The following KCNQ4 variants were observed in gnomAD, a reference collection of about 807,000 sequenced individuals.
KCNQ4 encodes potassium voltage-gated channel subfamily Q member 4, also known as potassium voltage-gated channel subfamily KQT member 4.
Under a neutral mutation model 72.6 loss-of-function variants are expected in KCNQ4, and 31 were observed. That is an observed-to-expected ratio of 0.43 (90% CI 0.32 to 0.58). The LOEUF (loss-of-function observed/expected upper bound fraction) is 0.58. Ranked by LOEUF, KCNQ4 falls within the 20% of genes least tolerant of loss-of-function variation. KCNQ4 has a pLI of 0.08. For missense variants in KCNQ4, 869 were observed against 962.6 expected, an observed-to-expected ratio of 0.90 and a Z score of 1.29; for synonymous variants, 405 against 403.7, an observed-to-expected ratio of 1.00 and a Z score of -0.04.
rs557069460 is a variant in KCNQ4, at chr1:40,783,876, C to T, written c.-218C>T. On this transcript the variant is annotated 5_prime_UTR_variant, in exon 1 of 14. Coordinates refer to ENST00000347132, the MANE Select transcript of KCNQ4 (RefSeq NM_004700.4). This position sits in a 1 kb window ranked among gnomAD's most constrained non-coding sequence, Gnocchi z 4.4. Reference sequence around the variant, plus strand: ...GAGTTGGAGTCGGAAAGAGCAGCCCCAGTCGCCGGGGAAGCGGGAGGTCAG... The same window carrying T: ...GAGTTGGAGTCGGAAAGAGCAGCCCTAGTCGCCGGGGAAGCGGGAGGTCAG... The T allele has an allele frequency of 6.6e-6, 1 of 151,812 alleles. No individual in the cohort carries two copies. Among genetic ancestry groups the T allele is most frequent in the Non-Finnish European group, 1.5e-5 (1 of 67,696 alleles). The allele number at this position is 151,812 out of a possible 1,614,324, so 9.4% of individuals were successfully genotyped here.
In KCNQ4 at chr1:40,831,259, C is replaced by T. The variant is rs746170447; in HGVS notation, c.1468C>T (p.Arg490Cys). The change falls in exon 10 of 14, where the codon CGC (arginine) becomes TGC (cysteine). Residue 490 changes from arginine to cysteine, a missense_variant. Coordinates refer to ENST00000347132, the MANE Select transcript of KCNQ4 (RefSeq NM_004700.4). The stretch of plus-strand genomic sequence containing the variant: ...GAGCTGGAGCTTCAATGACCGCACC[C>T]GCTTCCGGGCATCTCTGAGACTCAA... ...QKSWSFNDRT[R>C]FRASLRLKPR... 3.0e-5 allele frequency: 49 copies of T among 1,607,266 alleles called. 1 individual carries two copies. Among genetic ancestry groups the T allele is most frequent in the Middle Eastern group, 1.6e-4 (1 of 6,078 alleles).
intron 1 of KCNQ4, among the ~76,000 whole-genome samples, chr1:40,802,489 G>A (rs1268437744): frequency 6.6e-6 from 1 of 152,026 alleles, no homozygotes; most frequent in Non-Finnish European, 1.5e-5. Context: ...GCAAAGCCCC[G>A]CCCCTCCCAG....
At chr1:40,798,554 G>A (rs1647481289) in intron 1 of KCNQ4, among the ~76,000 whole-genome samples, 1 of 152,244 alleles carries the variant, frequency 6.6e-6, no homozygotes, top group Admixed American at 6.5e-5. Context: ...GCTCAGAAAG[G>A]AGAAGTGACT....
Position 40,831,148 on chromosome 1 carries a change from A to C in KCNQ4, c.1357A>C (p.Lys453Gln), listed in dbSNP as rs1234960574. ...CTCCCAGCGGCGGACGGGTCCTTCCAAGCAGCATCTGGCACCTCCAACAAT... is the reference window on the plus strand; with the variant it reads ...CTCCCAGCGGCGGACGGGTCCTTCCCAGCAGCATCTGGCACCTCCAACAAT... Reference protein sequence around the residue: ...GSSQRRTGPSKQHLAPPTMPT... With the variant: ...GSSQRRTGPSQQHLAPPTMPT... Residue 453 changes from lysine (K) to glutamine (Q), a missense_variant, in exon 10 of 14, where the codon AAG becomes CAG. Lys to Gln is a moderately conservative substitution (Grantham distance 53, BLOSUM62 1). Coordinates refer to ENST00000347132, the MANE Select transcript of KCNQ4 (RefSeq NM_004700.4). 6.2e-7 allele frequency: 1 copy of C among 1,611,246 alleles called. No homozygotes were observed. Among genetic ancestry groups the C allele is most frequent in the South Asian group, 1.1e-5 (1 of 90,552 alleles).
intron 9 of KCNQ4, among the ~76,000 whole-genome samples, chr1:40,827,382 G>A (rs1274954952): frequency 6.6e-6 from 1 of 152,214 alleles, no homozygotes; most frequent in African/African-American, 2.4e-5. Flanking sequence ...TTCAGGGAGG[G>A]CATTCCAGGC....
At chr1:40,802,405 C>T (rs141086221) in intron 1 of KCNQ4, among the ~76,000 whole-genome samples, 3,633 of 152,204 alleles carry the variant, frequency 0.024, 160 homozygotes, top group African/African-American at 0.082. Context: ...GCCGGCCGGG[C>T]GGGGGAGGCC....
chr1:40,809,054 T>G (rs1295900341), intron 1 of KCNQ4, among the ~76,000 whole-genome samples: 2 of 152,164 alleles, frequency 1.3e-5, no homozygotes, highest in African/African-American at 4.8e-5. Context: ...TGTCACCAAA[T>G]CCAGAGGACA....
rs1648853171 is a variant in KCNQ4 at position 40,837,920 on chromosome 1, C to T, written c.1875+126C>T. 17 of 1,336,724 alleles carry T rather than the reference C, an allele frequency of 1.3e-5. No homozygotes were observed. In the South Asian group the frequency reaches 2.2e-4, roughly 17 times the overall value. 82.8% of individuals were successfully genotyped at this position (1,336,724 alleles called of 1,614,324 possible). ...CCCCGAGAAGACCTAAGAGCCCCCT[C>T]CCCGGCCGAAGCCCCCGCCCTCGCC... On this transcript the variant is annotated intron_variant, in intron 13 of 13. Coordinates refer to ENST00000347132, the MANE Select transcript of KCNQ4 (RefSeq NM_004700.4).
chr1:40,806,673 G>T (rs1479293291), intron 1 of KCNQ4, among the ~76,000 whole-genome samples: 2 of 144,870 alleles, frequency 1.4e-5, no homozygotes, highest in Non-Finnish European at 3.0e-5. Context: ...GGCTTCTGGA[G>T]GTAGAGGACA....
At chr1:40,797,246 C>A (rs1300342673) in intron 1 of KCNQ4, among the ~76,000 whole-genome samples, 1 of 152,224 alleles carries the variant, frequency 6.6e-6, no homozygotes, top group Non-Finnish European at 1.5e-5. Flanking sequence ...AGCCCTGCCC[C>A]AATCTGGGCA....
chr1:40,794,340 CTCTT>C lies in KCNQ4; in HGVS notation c.314+9937_314+9940del, dbSNP rs1215809281. ...ACACTGGATGGGAACCAGGGTTTGA[CTCTT>C]TCTGAGTGAGTGCTGTGCAGACGTG... On this transcript the variant is annotated intron_variant, in intron 1 of 13. Coordinates refer to ENST00000347132, the MANE Select transcript of KCNQ4 (RefSeq NM_004700.4). This position sits in a 1 kb window ranked among gnomAD's most constrained non-coding sequence, Gnocchi z 4.2. Among the ~76,000 whole-genome samples the C allele has an allele frequency of 2.6e-5, 4 of 152,224 alleles. No individual in the cohort carries two copies. Among genetic ancestry groups the C allele is most frequent in the African/African-American group, 7.2e-5 (3 of 41,456 alleles).
intron 1 of KCNQ4, among the ~76,000 whole-genome samples, chr1:40,789,425 G>A (rs182301750): frequency 7.2e-5 from 11 of 152,242 alleles, no homozygotes; most frequent in African/African-American, 2.6e-4. Flanking sequence ...CTTGTGATTG[G>A]GAAAGTCTTT....
At chr1:40,832,213 G>A (rs191022628) in intron 10 of KCNQ4, among the ~76,000 whole-genome samples, 1 of 152,348 alleles carries the variant, frequency 6.6e-6, no homozygotes, top group African/African-American at 2.4e-5. Context: ...GGAGAGGTGG[G>A]GTGAGTGCAC....
At position 40,788,832 on chromosome 1, in the gene KCNQ4, G is replaced by A. The variant is rs181234034; in HGVS notation, c.314+4425G>A. Among the ~76,000 whole-genome samples the A allele has an allele frequency of 2.9e-4, 44 of 152,332 alleles. No homozygotes were observed. Among genetic ancestry groups the A allele is most frequent in the Non-Finnish European group, 5.3e-4 (36 of 68,020 alleles). On this transcript the variant is annotated intron_variant, in intron 1 of 13. Coordinates refer to ENST00000347132, the MANE Select transcript of KCNQ4 (RefSeq NM_004700.4). This position sits in a 1 kb window ranked among gnomAD's most constrained non-coding sequence, Gnocchi z 4.5. Reference sequence around the variant, plus strand: ...CAGCCACGTTTTAGTTGTAGACCACGTCACTGCTGCGTACCTGTCTGAATG... The same window carrying A: ...CAGCCACGTTTTAGTTGTAGACCACATCACTGCTGCGTACCTGTCTGAATG...
intron 1 of KCNQ4, among the ~76,000 whole-genome samples, chr1:40,815,422 G>A (rs1007998454): frequency 1.3e-5 from 2 of 152,128 alleles, no homozygotes; most frequent in African/African-American, 4.8e-5. Flanking sequence ...CGAGGAGAGG[G>A]CTGCATGAGA....
Position 40,833,130 on chromosome 1 carries a change from A to G in KCNQ4, c.1613+17A>G. ...CTCCATCAGGTAAGACTGAGGCCTG[A>G]GGCGAGCACCCCCCTCCGTGTGCCA... On this transcript the variant is annotated intron_variant, in intron 11 of 13. Transcript: ENST00000347132. The G allele has an allele frequency of 6.3e-7, 1 of 1,587,720 alleles. No homozygotes were observed. The highest frequency in any genetic ancestry group is 1.1e-5 in the South Asian group (1 of 90,610).
chr1:40,792,911 G>A (rs1647312055), intron 1 of KCNQ4, among the ~76,000 whole-genome samples: 1 of 151,918 alleles, frequency 6.6e-6, no homozygotes, highest in African/African-American at 2.4e-5. Flanking sequence ...AACCTAGCAT[G>A]TGCATCTCTG....
At chr1:40,830,146 C>T (rs1395386036) in intron 9 of KCNQ4, among the ~76,000 whole-genome samples, 5 of 151,892 alleles carry the variant, frequency 3.3e-5, no homozygotes, top group South Asian at 2.1e-4. Flanking sequence ...AGATCTTTAG[C>T]GGGGATCCAA....
At chr1:40,787,235 G>T (rs1647212031) in intron 1 of KCNQ4, among the ~76,000 whole-genome samples, 1 of 152,176 alleles carries the variant, frequency 6.6e-6, no homozygotes, top group Non-Finnish European at 1.5e-5. Flanking sequence ...CGGGCATGGT[G>T]GTGCACACCT....
Sources: gnomAD v4.1 joint callset for allele counts (sites outside exome capture counted in the v4.1 genomes callset) on GRCh38, gnomAD v4.1.1 for gene constraint, Gnocchi (gnomAD v3.1) non-coding constraint, MANE v1.5 for transcripts, NCBI Gene and HGNC (gene_info 2026-07-23, HGNC 2026-07-21) for gene names.